CNTN5: variants seen among roughly 807,000 people sequenced by gnomAD.
CNTN5 encodes the protein contactin-5.
In CNTN5, 77 loss-of-function variants were observed where a neutral mutation model predicts 129.1. The observed-to-expected ratio is 0.60, with a 90% confidence interval of 0.50 to 0.72. The LOEUF (loss-of-function observed/expected upper bound fraction) is 0.72. CNTN5 is among the 30% of genes least tolerant of loss of function. The probability of loss-of-function intolerance (pLI) is 0.00; values close to 1 mark genes in which losing one functional copy is unlikely to be tolerated. For missense variants in CNTN5, 1,478 were observed against 1,328.8 expected (o/e 1.11, Z -1.75); for synonymous variants, 509 against 465.6 (o/e 1.09, Z -1.20).
rs539918901 is a variant in CNTN5, at chr11:99,587,773, T to G, written c.55+31504T>G. 4.6e-5 allele frequency among the ~76,000 whole-genome samples: 7 copies of G among 152,160 alleles called. No homozygotes were observed. The South Asian group carries it at 6.2e-4, about 14-fold the overall frequency. On this transcript the variant is annotated intron_variant, in intron 3 of 24. Transcript: ENST00000524871. ...AGAGTTCTCTCTTAAACAAAATAAA[T>G]GCCATTTGCTAGCAAAACACTTTGA...
chr11:99,358,255 A>ATTTTTTTTTTTTTTT lies in CNTN5; in HGVS notation c.-71+32777_-71+32791dup, dbSNP rs1186386021. On this transcript the variant is annotated intron_variant, in intron 2 of 24. Transcript: ENST00000524871. ...AGGCGCCCGCCACCACGCCCTGCTGATTTTTTTTTTTTTTTTTTTTAGTAG... is the reference window on the plus strand; with the variant it reads ...AGGCGCCCGCCACCACGCCCTGCTGATTTTTTTTTTTTTTTTTTTTTTTTTTTTTTTTTTTAGTAG... 1.1e-3 allele frequency among the ~76,000 whole-genome samples: 51 copies of ATTTTTTTTTTTTTTT among 46,912 alleles called. 7 individuals are homozygous for ATTTTTTTTTTTTTTT. Among genetic ancestry groups the ATTTTTTTTTTTTTTT allele is most frequent in the East Asian group, 1.5e-3 (2 of 1,364 alleles). 30.8% of individuals were successfully genotyped at this position (46,912 alleles called of 152,430 possible). A position where few individuals can be genotyped will look rare whatever the true frequency, so the allele number is the denominator to read the frequency against.
intron 1 of CNTN5, among the ~76,000 whole-genome samples, chr11:99,309,399 C>T (rs1021475542): frequency 1.3e-5 from 2 of 152,288 alleles, no homozygotes; most frequent in Non-Finnish European, 2.9e-5. Context: ...GAAAGCACAG[C>T]GTATCCGCTA....
chr11:99,285,814 G>A (rs761816218), intron 1 of CNTN5, among the ~76,000 whole-genome samples: 29 of 152,050 alleles, frequency 1.9e-4, no homozygotes, highest in Non-Finnish European at 3.4e-4. Flanking sequence ...AATGCAGGCA[G>A]ATCACCTGAG....
intron 1 of CNTN5, among the ~76,000 whole-genome samples, chr11:99,242,570 A>G (rs60760729): frequency 0.017 from 2,571 of 152,098 alleles, 83 homozygotes; most frequent in African/African-American, 0.059. Flanking sequence ...TTTGAGATAC[A>G]AAAGATTCTG....
intron 1 of CNTN5, among the ~76,000 whole-genome samples, chr11:99,257,475 A>G (rs1391366062): frequency 6.6e-6 from 1 of 152,140 alleles, no homozygotes; most frequent in East Asian, 1.9e-4. Context: ...AAGGAGCTAT[A>G]ATTTCATGAT....
intron 2 of CNTN5, among the ~76,000 whole-genome samples, chr11:99,395,834 T>A (rs1349367477): frequency 6.6e-6 from 1 of 151,954 alleles, no homozygotes; most frequent in Non-Finnish European, 1.5e-5. Flanking sequence ...GTCAGCATTG[T>A]CAAAGAACGT....
chr11:99,105,248 G>T (rs1217046117), intron 1 of CNTN5, among the ~76,000 whole-genome samples: 1 of 152,088 alleles, frequency 6.6e-6, no homozygotes, highest in Non-Finnish European at 1.5e-5. Flanking sequence ...AGGTAACACA[G>T]TGCTTAAAAA....
intron 3 of CNTN5, among the ~76,000 whole-genome samples, chr11:99,629,685 G>A (rs61911154): frequency 0.2 from 29,952 of 151,280 alleles, 3,508 homozygotes; most frequent in East Asian, 0.39. Flanking sequence ...CTTACTACTC[G>A]ATGTTTATGT....
chr11:99,896,627 C>T (rs1289248194), intron 6 of CNTN5, among the ~76,000 whole-genome samples: 2 of 152,170 alleles, frequency 1.3e-5, no homozygotes, highest in Non-Finnish European at 2.9e-5. Context: ...TTTCCTGAGG[C>T]CAGCAACAAA....
chr11:100,138,354 G>A (rs572458438), intron 13 of CNTN5, among the ~76,000 whole-genome samples: 9 of 151,892 alleles, frequency 5.9e-5, no homozygotes, highest in Non-Finnish European at 1.0e-4. Flanking sequence ...TCTAGGTACC[G>A]GGAACTCAGC....
intron 3 of CNTN5, among the ~76,000 whole-genome samples, chr11:99,681,024 A>T (rs977233148): frequency 2.0e-5 from 3 of 151,980 alleles, no homozygotes; most frequent in East Asian, 3.9e-4. Context: ...GTAACTGAAG[A>T]TGTAAAAATA....
At chr11:100,245,661 C>A (rs1268048627) in intron 16 of CNTN5, among the ~76,000 whole-genome samples, 2 of 152,116 alleles carry the variant, frequency 1.3e-5, no homozygotes, top group African/African-American at 4.8e-5. Flanking sequence ...TTTGCCCCTG[C>A]TCATAATTTT....
chr11:99,816,331 A>G (rs897143884), intron 3 of CNTN5, among the ~76,000 whole-genome samples: 1 of 152,134 alleles, frequency 6.6e-6, no homozygotes, highest in African/African-American at 2.4e-5. Flanking sequence ...TTCAATAACC[A>G]TCTATTTGGT....
chr11:99,453,661 T>C (rs979009856), intron 2 of CNTN5, among the ~76,000 whole-genome samples: 1 of 152,218 alleles, frequency 6.6e-6, no homozygotes, highest in Non-Finnish European at 1.5e-5. Context: ...TTGAAAATTA[T>C]TTTTGCTACC....
At chr11:99,764,191 G>A (rs1429470984) in intron 3 of CNTN5, among the ~76,000 whole-genome samples, 1 of 152,022 alleles carries the variant, frequency 6.6e-6, no homozygotes, top group East Asian at 1.9e-4. Flanking sequence ...AGGCCTAGAT[G>A]TACAAAACCT....
At chr11:99,427,417 G>T (rs955759948) in intron 2 of CNTN5, among the ~76,000 whole-genome samples, 2 of 152,120 alleles carry the variant, frequency 1.3e-5, no homozygotes, top group African/African-American at 4.8e-5. Flanking sequence ...TCTCAAAGGG[G>T]AGAGAAAGCC....
intron 3 of CNTN5, among the ~76,000 whole-genome samples, chr11:99,693,376 A>G (rs991137371): frequency 6.6e-6 from 1 of 152,140 alleles, no homozygotes; most frequent in Non-Finnish European, 1.5e-5. Context: ...AAACAATTAT[A>G]GAAATAAATG....
intron 1 of CNTN5, among the ~76,000 whole-genome samples, chr11:99,137,865 A>C (rs1859312306): frequency 6.6e-6 from 1 of 152,142 alleles, no homozygotes; most frequent in African/African-American, 2.4e-5. Context: ...TCTCCCCTGC[A>C]AGTTTAACAT....
At chr11:99,221,556 GA>G in intron 1 of CNTN5, among the ~76,000 whole-genome samples, 2 of 151,782 alleles carry the variant, frequency 1.3e-5, no homozygotes, top group Admixed American at 1.3e-4. Context: ...TCCCCTGATG[GA>G]AAAAAATGTT....
Sources: gnomAD v4.1 joint callset for allele counts (sites outside exome capture counted in the v4.1 genomes callset) on GRCh38, gnomAD v4.1.1 for gene constraint, MANE v1.5 for transcripts, NCBI Gene and HGNC (gene_info 2026-07-23, HGNC 2026-07-21) for gene names.